Variants in CCPG1 observed in about 807,000 individuals in gnomAD.
The protein encoded by CCPG1 is cell cycle progression 1, also known as cell cycle progression protein 1.
Under a neutral mutation model 81.3 loss-of-function variants are expected in CCPG1, and 46 were observed. The observed-to-expected ratio is 0.57, with a 90% CI of 0.45 to 0.72. The LOEUF (loss-of-function observed/expected upper bound fraction) is 0.72, where lower values mean the gene tolerates loss of function less well. Ranked by LOEUF, CCPG1 falls within the 30% of genes least tolerant of loss-of-function variation. The pLI is 0.00. For synonymous variants in CCPG1, 330 were observed against 305.2 expected (o/e 1.08, Z -0.85); for missense variants, 902 against 937.6 (o/e 0.96, Z 0.50).
At chr15:55,397,589 G>A (rs2057045703) in intron 1 of CCPG1, among the ~76,000 whole-genome samples, 1 of 152,200 alleles carries the variant, frequency 6.6e-6, no homozygotes, top group East Asian at 1.9e-4. Flanking sequence ...ATTGAATATG[G>A]GGTATAAAGG....
chr15:55,383,559 T>G, intron 3 of CCPG1, among the ~76,000 whole-genome samples: 1 of 152,354 alleles, frequency 6.6e-6, no homozygotes, highest in South Asian at 2.1e-4. Flanking sequence ...CTTCTTCCAA[T>G]AGAAAGTTGT....
chr15:55,380,743 G>A (rs1379802418), intron 3 of CCPG1, among the ~76,000 whole-genome samples: 10 of 152,008 alleles, frequency 6.6e-5, no homozygotes, highest in Non-Finnish European at 2.9e-5. Flanking sequence ...GGCCAGGCGC[G>A]GTGACTCATG....
chr15:55,384,765 T>A (rs1171899112), intron 3 of CCPG1, among the ~76,000 whole-genome samples: 3 of 152,174 alleles, frequency 2.0e-5, no homozygotes, highest in Non-Finnish European at 4.4e-5. Flanking sequence ...TTAATAGACT[T>A]GCTCAACACA....
chr15:55,369,148 T>C (rs904858188), intron 6 of CCPG1, among the ~76,000 whole-genome samples: 1 of 151,260 alleles, frequency 6.6e-6, no homozygotes, highest in Non-Finnish European at 1.5e-5. Context: ...TGAATGACTA[T>C]GGGATGCAAT....
intron 2 of CCPG1, among the ~76,000 whole-genome samples, chr15:55,386,550 T>C (rs2056802641): frequency 6.6e-6 from 1 of 152,168 alleles, no homozygotes; most frequent in Admixed American, 6.5e-5. Context: ...TCGAAAGGTC[T>C]GCATTCTCTT....
intron 8 of CCPG1, chr15:55,357,904 A>T (rs2056114970): frequency 6.6e-6 from 1 of 152,226 alleles, no homozygotes; most frequent in South Asian, 2.1e-4. Context: ...GTTCTGAGTA[A>T]TGTAATGAAA....
rs4369591 is a variant in CCPG1 at position 55,369,428 on chromosome 15, G to A, written c.706+2365C>T. Among the ~76,000 whole-genome samples the A allele has an allele frequency of 3.5e-3, 537 of 152,048 alleles. 2 individuals carry two copies. Among genetic ancestry groups the A allele is most frequent in the African/African-American group, 0.013 (525 of 41,474 alleles). ...TGCATGCCTGTAATCCTAGATACTC[G>A]GGAGGCTGAGGCAGGAGAATTGCTT... On this transcript the variant is annotated intron_variant, in intron 6 of 8. Coordinates refer to ENST00000442196, the MANE Select transcript of CCPG1 (RefSeq NM_001204450.2).
chr15:55,359,340 G>C, intron 8 of CCPG1, 199 bp downstream of exon 8: 1 of 1,313,618 alleles, frequency 7.6e-7, no homozygotes, highest in Non-Finnish European at 9.7e-7. Flanking sequence ...AAGTGATCAC[G>C]TTATAATGAA....
chr15:55,372,565 A>AAGG (rs2056474594), intron 5 of CCPG1: 1 of 195,336 alleles, frequency 5.1e-6, no homozygotes, highest in African/African-American at 2.4e-5. Context: ...AGGCTGAGGC[A>AAGG]GGAGAATCAC....
At chr15:55,375,699 T>A (rs887975389) in intron 5 of CCPG1, among the ~76,000 whole-genome samples, 2 of 151,768 alleles carry the variant, frequency 1.3e-5, no homozygotes, top group African/African-American at 4.8e-5. Flanking sequence ...TTTTTTTTTT[T>A]TTTTTTGAGA....
chr15:55,359,949 AT>A lies in CCPG1; in HGVS notation c.1823del (p.Asn608IlefsTer34). 1 of 1,613,110 alleles carries A rather than the reference AT, an allele frequency of 6.2e-7. No homozygotes were observed. The highest frequency in any genetic ancestry group is 8.5e-7 in the Non-Finnish European group (1 of 1,179,824). ...VHFKEFRKNT[N>X]SKKCSPGHDC... ...CATGCCCAGGACTGCATTTCTTTGA[AT>A]TTGTATTTTTTCTGAATTCTTTAAA... On this transcript the variant is annotated frameshift_variant, in exon 8 of 9. Transcript: ENST00000442196. LOFTEE classifies it high-confidence loss of function.
At chr15:55,381,391 G>A (rs1251751849) in intron 3 of CCPG1, among the ~76,000 whole-genome samples, 3 of 144,334 alleles carry the variant, frequency 2.1e-5, no homozygotes, top group Non-Finnish European at 4.6e-5. Flanking sequence ...TGAGATCATT[G>A]CGCCACTGCA....
chr15:55,364,827 T>C (rs1033929188), intron 7 of CCPG1, among the ~76,000 whole-genome samples: 2 of 137,558 alleles, frequency 1.5e-5, no homozygotes, highest in Non-Finnish European at 3.3e-5. Context: ...AACCTGAGGT[T>C]GCACCACTGC....
chr15:55,358,579 T>C, intron 8 of CCPG1: 2 of 985,478 alleles, frequency 2.0e-6, no homozygotes, highest in South Asian at 4.7e-5. Flanking sequence ...CCTGTCTGCA[T>C]AGCAAATCCT....
rs146512368 is a variant in CCPG1 at position 55,407,498 on chromosome 15, C to T, written c.-10+723G>A. Among the ~76,000 whole-genome samples the T allele has an allele frequency of 1.3e-3, 196 of 152,304 alleles. 2 individuals are homozygous for T. The highest frequency in any genetic ancestry group is 4.5e-3 in the African/African-American group (188 of 41,562). ...CTATTCTAACTACAAGAATGCCCAA[C>T]TGTGTTTTTCAATAAAAGTAGAGCA... On this transcript the variant is annotated intron_variant, in intron 1 of 8. Coordinates refer to ENST00000442196, the MANE Select transcript of CCPG1 (RefSeq NM_001204450.2).
At chr15:55,396,743 A>C (rs1348811712) in intron 1 of CCPG1, among the ~76,000 whole-genome samples, 2 of 152,216 alleles carry the variant, frequency 1.3e-5, no homozygotes, top group Non-Finnish European at 2.9e-5. Flanking sequence ...TCATTGCTGA[A>C]GTATATGTGA....
chr15:55,381,272 T>C (rs2141292394), intron 3 of CCPG1, among the ~76,000 whole-genome samples: 1 of 121,532 alleles, frequency 8.2e-6, no homozygotes, highest in Non-Finnish European at 1.8e-5. Flanking sequence ...CCGTCTCTAC[T>C]AAAAATAAAA....
chr15:55,374,072 G>C, intron 5 of CCPG1: 1 of 724,024 alleles, frequency 1.4e-6, no homozygotes, highest in Non-Finnish European at 2.1e-6. Flanking sequence ...ATGACAACAG[G>C]TATCTTTAAA....
intron 8 of CCPG1, 21 bp downstream of exon 8, chr15:55,359,518 C>A: frequency 6.4e-7 from 1 of 1,568,908 alleles, no homozygotes; most frequent in Non-Finnish European, 8.6e-7. Context: ...ACTGTAATGA[C>A]ACGGTTTTAT....
Sources: allele counts gnomAD v4.1 joint callset (sites outside exome capture counted in the v4.1 genomes callset), GRCh38; gene constraint gnomAD v4.1.1; transcripts MANE v1.5; gene names NCBI Gene and HGNC (gene_info 2026-07-23, HGNC 2026-07-21).